Variants in RBFOX1 observed in about 807,000 individuals in gnomAD.
RBFOX1 encodes the protein RNA binding protein fox-1 homolog 1.
Under a neutral mutation model 57.7 loss-of-function variants are expected in RBFOX1, and 8 were observed. The ratio of observed to expected loss-of-function variants is 0.14; its 90% CI spans 0.08 to 0.25. RBFOX1 has a LOEUF of 0.25. Among genes scored for constraint, RBFOX1 ranks in the 10% least tolerant of loss-of-function variants. RBFOX1 has a pLI of 1.00. For missense variants in RBFOX1, 611 were observed against 548.5 expected (o/e 1.11, Z -1.14); for synonymous variants, 326 against 222.4 (o/e 1.47, Z -4.15).
intron 4 of RBFOX1, among the ~76,000 whole-genome samples, chr16:7,303,316 C>T (rs371016551): frequency 1.3e-5 from 2 of 152,324 alleles, no homozygotes; most frequent in East Asian, 1.9e-4. Context: ...GCCCAAGCTC[C>T]CTCCTGCCCC....
chr16:6,292,443 C>T (rs531115135), intron 1 of RBFOX1, among the ~76,000 whole-genome samples: 5 of 151,344 alleles, frequency 3.3e-5, no homozygotes, highest in Non-Finnish European at 5.9e-5. Context: ...AAGAGTTTAC[C>T]AAGAAATTAA....
chr16:5,504,625 G>C (rs1237602460), intron 2 of RBFOX1, among the ~76,000 whole-genome samples: 1 of 152,344 alleles, frequency 6.6e-6, no homozygotes, highest in Non-Finnish European at 1.5e-5. Flanking sequence ...AAGTAAACCA[G>C]GCACAAGCAC....
intron 4 of RBFOX1, among the ~76,000 whole-genome samples, chr16:7,434,806 C>G (rs2098709355): frequency 6.6e-6 from 1 of 150,830 alleles, no homozygotes; most frequent in South Asian, 2.1e-4. Flanking sequence ...GTGGTGTGAT[C>G]TCTGCTCACT....
rs541668821 is a variant in RBFOX1 at position 5,747,798 on chromosome 16, C to G, written c.319-119505C>G. Among the ~76,000 whole-genome samples, 11 of 152,242 alleles carry G rather than the reference C, an allele frequency of 7.2e-5. No homozygotes were observed. The East Asian group carries it at 2.1e-3, about 29-fold the overall frequency. ...TTTATTAGTCTTGCTAGTGGTCTATCAATTTTGTTGATCTTTCAGAAAACC... is the reference window on the plus strand; with the variant it reads ...TTTATTAGTCTTGCTAGTGGTCTATGAATTTTGTTGATCTTTCAGAAAACC... On this transcript the variant is annotated intron_variant, in intron 3 of 19. Coordinates refer to the RBFOX1 transcript ENST00000641259.
intron 3 of RBFOX1, among the ~76,000 whole-genome samples, chr16:5,866,380 G>C (rs1227820263): frequency 6.6e-6 from 1 of 152,182 alleles, no homozygotes. Flanking sequence ...ATCACAGTGG[G>C]GGTTAGGGGT....
rs1252536322 is a variant in RBFOX1 at position 7,563,290 on chromosome 16, G to T, written c.271-16487G>T. On this transcript the variant is annotated intron_variant, in intron 5 of 15. Coordinates refer to ENST00000550418, the MANE Select transcript of RBFOX1 (RefSeq NM_018723.4). ...ACTTACAGGTGTTGACTCATTTGGG[G>T]TAGATGCCAATAGTATTCCTATTTT... 3.3e-5 allele frequency among the ~76,000 whole-genome samples: 5 copies of T among 152,156 alleles called. No individual in the cohort carries two copies. In the East Asian group the frequency reaches 7.7e-4, roughly 23 times the overall value.
At chr16:7,546,223 A>G (rs1238368524) in intron 5 of RBFOX1, among the ~76,000 whole-genome samples, 1 of 152,028 alleles carries the variant, frequency 6.6e-6, no homozygotes, top group Non-Finnish European at 1.5e-5. Flanking sequence ...GGTACTTAGG[A>G]GCCTGAGGTG....
intron 4 of RBFOX1, among the ~76,000 whole-genome samples, chr16:7,499,554 A>C (rs1198530689): frequency 6.6e-6 from 1 of 152,202 alleles, no homozygotes; most frequent in East Asian, 1.9e-4. Context: ...TTGAGTATAA[A>C]GATAATTTTT....
chr16:6,977,931 C>T (rs1184713580), intron 3 of RBFOX1, among the ~76,000 whole-genome samples: 1 of 48,038 alleles, frequency 2.1e-5, no homozygotes, highest in African/African-American at 2.1e-4. Context: ...TTCCAGCCTC[C>T]CCAGGGAAAA....
At chr16:7,312,278 G>A (rs2096331728) in intron 4 of RBFOX1, among the ~76,000 whole-genome samples, 1 of 152,204 alleles carries the variant, frequency 6.6e-6, no homozygotes, top group Non-Finnish European at 1.5e-5. Context: ...TACTTAGGAG[G>A]CTGAGGCAGG....
At chr16:5,324,965 C>T (rs2064523089) in intron 1 of RBFOX1, among the ~76,000 whole-genome samples, 1 of 152,180 alleles carries the variant, frequency 6.6e-6, no homozygotes, top group African/African-American at 2.4e-5. Flanking sequence ...TGGTGATGGG[C>T]AGGTGTTCCC....
chr16:6,996,672 A>T (rs1404821463), intron 3 of RBFOX1, among the ~76,000 whole-genome samples: 1 of 152,232 alleles, frequency 6.6e-6, no homozygotes, highest in African/African-American at 2.4e-5. Flanking sequence ...GAGGTCACAG[A>T]GGTAGTAAGT....
chr16:6,786,266 C>T lies in RBFOX1; in HGVS notation c.-16+131616C>T, dbSNP rs147343550. Among the ~76,000 whole-genome samples the T allele has an allele frequency of 2.9e-3, 435 of 152,246 alleles. 1 individual carries two copies. Among genetic ancestry groups the T allele is most frequent in the Non-Finnish European group, 4.6e-3 (315 of 68,016 alleles). On this transcript the variant is annotated intron_variant, in intron 3 of 15. Coordinates refer to ENST00000550418, the MANE Select transcript of RBFOX1 (RefSeq NM_018723.4). Reference sequence around the variant, plus strand: ...CACAAGTATGGGCCTGGCCAGGAGACGGGGCTTTTTGGCTCTGAGATCTCT... The same window carrying T: ...CACAAGTATGGGCCTGGCCAGGAGATGGGGCTTTTTGGCTCTGAGATCTCT...
intron 2 of RBFOX1, among the ~76,000 whole-genome samples, chr16:6,357,557 C>G (rs2152860120): frequency 6.6e-6 from 1 of 151,218 alleles, no homozygotes; most frequent in East Asian, 1.9e-4. Flanking sequence ...AGCGCTCTCT[C>G]TCTTGCTTGC....
chr16:6,434,170 A>G (rs941460168), intron 2 of RBFOX1, among the ~76,000 whole-genome samples: 4 of 152,078 alleles, frequency 2.6e-5, no homozygotes, highest in African/African-American at 9.7e-5. Context: ...ACTTGTGATA[A>G]CATAAGACAC....
intron 3 of RBFOX1, among the ~76,000 whole-genome samples, chr16:6,728,257 C>T (rs1278546976): frequency 6.6e-6 from 1 of 152,118 alleles, no homozygotes; most frequent in Non-Finnish European, 1.5e-5. Context: ...GGTATTTATG[C>T]CTTTAAGCAG....
At chr16:6,391,854 T>A in intron 2 of RBFOX1, among the ~76,000 whole-genome samples, 1 of 152,306 alleles carries the variant, frequency 6.6e-6, no homozygotes, top group Non-Finnish European at 1.5e-5. Flanking sequence ...AAAACAAACA[T>A]ATATATTGCA....
At chr16:7,241,424 C>T (rs1242915744) in intron 4 of RBFOX1, among the ~76,000 whole-genome samples, 1 of 152,098 alleles carries the variant, frequency 6.6e-6, no homozygotes, top group Admixed American at 6.6e-5. Context: ...TTATGCATTC[C>T]AACGTCTAAG....
intron 5 of RBFOX1, among the ~76,000 whole-genome samples, chr16:7,569,379 T>G (rs1214670869): frequency 6.6e-6 from 1 of 152,150 alleles, no homozygotes; most frequent in Non-Finnish European, 1.5e-5. Flanking sequence ...CCACTGTCAT[T>G]CTTGGGCTCA....
Sources: allele counts gnomAD v4.1 joint callset (sites outside exome capture counted in the v4.1 genomes callset), GRCh38; gene constraint gnomAD v4.1.1; transcripts MANE v1.5; gene names NCBI Gene and HGNC (gene_info 2026-07-23, HGNC 2026-07-21).